Variants in IRF8 observed in about 807,000 individuals in gnomAD.
IRF8 encodes interferon regulatory factor 8, also known as interferon consensus sequence binding protein 1.
Under a neutral mutation model 48.7 loss-of-function variants are expected in IRF8, and 14 were observed. The observed-to-expected ratio is 0.29, with a 90% CI of 0.19 to 0.45. The LOEUF (loss-of-function observed/expected upper bound fraction) is 0.45. Among genes scored for constraint, IRF8 ranks in the 20% least tolerant of loss-of-function variants. The pLI is 1.00. For synonymous variants in IRF8, 278 were observed against 227.3 expected, an observed-to-expected ratio of 1.22 and a Z score of -2.01; for missense variants, 493 against 580.7, an observed-to-expected ratio of 0.85 and a Z score of 1.55.
chr16:85,920,917 G>A (rs1043440897), intron 8 of IRF8, among the ~76,000 whole-genome samples, 189 bp from the exon 9 acceptor site: 1 of 152,172 alleles, frequency 6.6e-6, no homozygotes, highest in African/African-American at 2.4e-5. Flanking sequence ...TGTCCCAGCT[G>A]GGACAGTACT....
At position 85,910,724 on chromosome 16, in the gene IRF8, C is replaced by G. The variant is rs527407542; in HGVS notation, c.359-846C>G. On this transcript the variant is annotated intron_variant, in intron 3 of 8. Coordinates refer to ENST00000268638, the MANE Select transcript of IRF8 (RefSeq NM_002163.4). Reference sequence around the variant, plus strand: ...CTACAGGGGCCCACTCGCCTCTAACCTCAGTGGTTTGCAGGCTCCATGGTG... The same window carrying G: ...CTACAGGGGCCCACTCGCCTCTAACGTCAGTGGTTTGCAGGCTCCATGGTG... Among the ~76,000 whole-genome samples, 188 of 152,220 alleles carry G rather than the reference C, an allele frequency of 1.2e-3. 1 individual carries two copies. The highest frequency in any genetic ancestry group is 2.2e-3 in the Non-Finnish European group (150 of 68,042).
chr16:85,918,994 T>G (rs1905435225), intron 7 of IRF8, among the ~76,000 whole-genome samples, 191 bp downstream of exon 7: 3 of 152,164 alleles, frequency 2.0e-5, no homozygotes, highest in Admixed American at 1.3e-4. Flanking sequence ...CCTGGGGTGC[T>G]TCTCTGTGCC....
rs200015737 is a variant in IRF8 at position 85,903,220 on chromosome 16, G to T, written c.174+31G>T. 9.6e-5 allele frequency: 152 copies of T among 1,576,444 alleles called. 1 individual carries two copies. In the East Asian group the frequency reaches 3.3e-3, roughly 34 times the overall value. On this transcript the variant is annotated intron_variant, in intron 2 of 8. Transcript: ENST00000268638. ...GAGCCCAGCTCCCTTCCCCACTGTG[G>T]GCACAGTGTCTCCTTTCCCTCATGG... is the stretch of plus-strand genomic sequence containing the variant.
chr16:85,910,224 T>C (rs886986529), intron 3 of IRF8, among the ~76,000 whole-genome samples: 10 of 152,284 alleles, frequency 6.6e-5, no homozygotes, highest in Admixed American at 1.3e-4. Flanking sequence ...ATGTGGCCCA[T>C]GAACGAGAAA....
chr16:85,914,935 C>G (rs1905255463), intron 6 of IRF8, among the ~76,000 whole-genome samples: 1 of 152,062 alleles, frequency 6.6e-6, no homozygotes, highest in Admixed American at 6.5e-5. Context: ...AGCAAGTAGA[C>G]AGAGTACTCT....
intron 5 of IRF8, 54 bp from the exon 6 acceptor site, chr16:85,914,418 TC>T: frequency 2.5e-6 from 4 of 1,609,410 alleles, no homozygotes; most frequent in Non-Finnish European, 3.4e-6. Flanking sequence ...TTGGGGTTAC[TC>T]CCTGTACACC....
chr16:85,904,538 G>C (rs908263533), intron 2 of IRF8, among the ~76,000 whole-genome samples: 7 of 152,246 alleles, frequency 4.6e-5, no homozygotes, highest in African/African-American at 1.7e-4. Context: ...CAGTGGGGCT[G>C]TGCGTTTCAG....
intron 2 of IRF8, among the ~76,000 whole-genome samples, chr16:85,906,611 A>G (rs907064982): frequency 2.6e-5 from 4 of 152,250 alleles, no homozygotes; most frequent in African/African-American, 9.6e-5. Context: ...GGCGTGAACG[A>G]GTGAGTATGG....
chr16:85,904,835 C>CTTTTTTTTTTTTT (rs1904946827), intron 2 of IRF8, among the ~76,000 whole-genome samples: 2 of 62,686 alleles, frequency 3.2e-5, no homozygotes, highest in African/African-American at 1.1e-4. Context: ...TTTTTTTTGC[C>CTTTTTTTTTTTTT]TTTGGCATCA....
chr16:85,911,247 A>G (rs1905133272), intron 3 of IRF8, among the ~76,000 whole-genome samples: 1 of 152,248 alleles, frequency 6.6e-6, no homozygotes, highest in Non-Finnish European at 1.5e-5. Flanking sequence ...TAAGTTAGCA[A>G]ATGCTTGCTG....
intron 2 of IRF8, among the ~76,000 whole-genome samples, chr16:85,903,909 C>T (rs1567876059): frequency 6.6e-6 from 1 of 152,206 alleles, no homozygotes; most frequent in Admixed American, 6.5e-5. Context: ...CATTCAGATG[C>T]AAGATGGCCC....
intron 1 of IRF8, among the ~76,000 whole-genome samples, chr16:85,899,553 G>C: frequency 6.6e-6 from 1 of 152,286 alleles, no homozygotes; most frequent in Non-Finnish European, 1.5e-5. Flanking sequence ...CCCCTATCTT[G>C]AAACGCGCTC....
At chr16:85,907,446 G>A (rs568714211) in intron 2 of IRF8, among the ~76,000 whole-genome samples, 2 of 152,208 alleles carry the variant, frequency 1.3e-5, no homozygotes, top group African/African-American at 2.4e-5. Flanking sequence ...TTGGGAGGCC[G>A]AGGCAGGCGG....
At chr16:85,918,826 T>G (rs764909469) in intron 7 of IRF8, 23 bp downstream of exon 7, 2 of 1,603,496 alleles carry the variant, frequency 1.2e-6, no homozygotes, top group South Asian at 2.2e-5. Context: ...GTCACCTTGC[T>G]GCCCCCACAT....
rs745351465 is a variant in IRF8 at position 85,918,475 on chromosome 16, C to T, written c.660C>T (p.Thr220=). ...YYGGKLVGQA[T]TTCPEGCRLS... is the part of the protein sequence containing the mutation. ...GGGGCAAGCTGGTGGGCCAGGCCAC[C>T]ACCACCTGCCCCGAGGGCTGCCGCC... The change falls in exon 7 of 9, where the codon ACC becomes ACT. Residue 220 remains threonine (T), a synonymous_variant. Transcript: ENST00000268638. 5.7e-6 allele frequency: 9 copies of T among 1,590,344 alleles called. No individual in the cohort carries two copies. The highest frequency in any genetic ancestry group is 2.2e-4 in the Middle Eastern group (1 of 4,592).
In IRF8 at chr16:85,903,044, T is replaced by C; in HGVS notation, c.29T>C (p.Leu10Pro). 1 of 1,614,210 alleles carries C rather than the reference T, an allele frequency of 6.2e-7. No individual in the cohort carries two copies. Among genetic ancestry groups the C allele is most frequent in the Non-Finnish European group, 8.5e-7 (1 of 1,180,026 alleles). Reference sequence around the variant, plus strand: ...TGTGACCGGAATGGTGGTCGGCGGCTTCGACAGTGGCTGATCGAGCAGATT... The same window carrying C: ...TGTGACCGGAATGGTGGTCGGCGGCCTCGACAGTGGCTGATCGAGCAGATT... MCDRNGGRR[L>P]RQWLIEQIDS... Residue 10 changes from leucine (L) to proline (P), a missense_variant, in exon 2 of 9, where the codon CTT becomes CCT. Coordinates refer to ENST00000268638, the MANE Select transcript of IRF8 (RefSeq NM_002163.4).
At chr16:85,899,374 C>G (rs1904747565) in intron 1 of IRF8, among the ~76,000 whole-genome samples, 151 bp downstream of exon 1, 1 of 152,198 alleles carries the variant, frequency 6.6e-6, no homozygotes, top group Admixed American at 6.5e-5. Context: ...CTGCTTTTTG[C>G]CTATTTTCCA....
At chr16:85,911,940 C>T (rs868125896) in intron 4 of IRF8, among the ~76,000 whole-genome samples, 1 of 152,364 alleles carries the variant, frequency 6.6e-6, no homozygotes, top group East Asian at 1.9e-4. Flanking sequence ...TTCCTTCCAG[C>T]TCCAAACTGT....
At chr16:85,902,894 GT>G (rs1904870010) in intron 1 of IRF8, 120 bp from the exon 2 acceptor site, 2 of 1,074,806 alleles carry the variant, frequency 1.9e-6, no homozygotes, top group Admixed American at 3.4e-5. Flanking sequence ...GAATCTGTGG[GT>G]TTCCCCCAAG....
Sources: allele counts gnomAD v4.1 joint callset (sites outside exome capture counted in the v4.1 genomes callset), GRCh38; gene constraint gnomAD v4.1.1; transcripts MANE v1.5; gene names NCBI Gene and HGNC (gene_info 2026-07-23, HGNC 2026-07-21).